SPTLC2: variants seen among roughly 807,000 people sequenced by gnomAD.
SPTLC2 encodes the protein serine palmitoyltransferase 2.
SPTLC2 carries 21 observed loss-of-function variants against 62.0 expected under a neutral mutation model. That is an observed-to-expected ratio of 0.34 (90% confidence interval 0.24 to 0.49). The LOEUF is 0.49. SPTLC2 is among the 20% of genes least tolerant of loss of function. SPTLC2 has a pLI of 0.99. For missense variants in SPTLC2, 511 were observed against 713.0 expected, an observed-to-expected ratio of 0.72 and a Z score of 3.23; for synonymous variants, 261 against 261.8, an observed-to-expected ratio of 1.00 and a Z score of 0.03.
At chr14:77,543,133 T>G (rs1269691044) in intron 9 of SPTLC2, among the ~76,000 whole-genome samples, 2 of 152,170 alleles carry the variant, frequency 1.3e-5, no homozygotes, top group East Asian at 3.9e-4. Flanking sequence ...CACTGCAACC[T>G]CCACCTCCCG....
chr14:77,511,558 G>T lies in SPTLC2; in HGVS notation c.*726C>A, dbSNP rs1274872239. ...TAAAAAGGGGGTGGGACGTGTTACGGTTAGAGCTTGGGAAGAACCAGAATT... is the reference window on the plus strand; with the variant it reads ...TAAAAAGGGGGTGGGACGTGTTACGTTTAGAGCTTGGGAAGAACCAGAATT... On this transcript the variant is annotated 3_prime_UTR_variant, in exon 12 of 12. Transcript: ENST00000216484. The T allele has an allele frequency of 6.5e-6, 1 of 153,510 alleles. No individual in the cohort carries two copies. Among genetic ancestry groups the T allele is most frequent in the African/African-American group, 2.4e-5 (1 of 41,430 alleles). The allele number at this position is 153,510 out of a possible 1,614,324, so 9.5% of individuals were successfully genotyped here. A position where few individuals can be genotyped will look rare whatever the true frequency, so the allele number is the denominator to read the frequency against.
intron 11 of SPTLC2, among the ~76,000 whole-genome samples, chr14:77,513,496 T>A (rs1281449247): frequency 2.0e-5 from 3 of 152,278 alleles, no homozygotes; most frequent in Admixed American, 2.0e-4. Flanking sequence ...GAGGTATAAG[T>A]GAAAGCTCCA....
intron 2 of SPTLC2, among the ~76,000 whole-genome samples, chr14:77,580,516 T>TA (rs1458746634): frequency 1.4e-5 from 2 of 143,920 alleles, no homozygotes; most frequent in Non-Finnish European, 3.0e-5. Flanking sequence ...CCACCCACCT[T>TA]AGGTTCTTTT....
At chr14:77,556,837 AT>A (rs2079586807) in intron 7 of SPTLC2, among the ~76,000 whole-genome samples, 1 of 152,250 alleles carries the variant, frequency 6.6e-6, no homozygotes, top group Admixed American at 6.5e-5. Flanking sequence ...TTTGGTGACC[AT>A]GTAGTATTAT....
intron 2 of SPTLC2, among the ~76,000 whole-genome samples, chr14:77,593,058 AC>A (rs2079827073): frequency 6.6e-6 from 1 of 151,828 alleles, no homozygotes; most frequent in South Asian, 2.1e-4. Context: ...AGCCGAGATC[AC>A]GCCACTGTAC....
chr14:77,574,148 A>G (rs1214792013), intron 4 of SPTLC2, among the ~76,000 whole-genome samples: 2 of 152,178 alleles, frequency 1.3e-5, no homozygotes, highest in Non-Finnish European at 2.9e-5. Flanking sequence ...CTCTGTTCTG[A>G]TATTTTGTTA....
chr14:77,585,292 A>G lies in SPTLC2; in HGVS notation c.328-6183T>C, dbSNP rs146908513. ...TAATAACTTATTAGATGTATTTTAC[A>G]GAGTCACTGAATAAAATTTAAATTC... On this transcript the variant is annotated intron_variant, in intron 2 of 11. Transcript: ENST00000216484. Among the ~76,000 whole-genome samples, 415 of 152,348 alleles carry G rather than the reference A, an allele frequency of 2.7e-3. 3 individuals carry two copies. The highest frequency in any genetic ancestry group is 9.4e-3 in the African/African-American group (391 of 41,582).
At chr14:77,590,287 G>A (rs975208363) in intron 2 of SPTLC2, among the ~76,000 whole-genome samples, 33 of 152,204 alleles carry the variant, frequency 2.2e-4, no homozygotes, top group African/African-American at 7.2e-4. Flanking sequence ...CTCTGGCCTT[G>A]TATCTTAAAC....
At chr14:77,581,684 T>C (rs533335418) in intron 2 of SPTLC2, among the ~76,000 whole-genome samples, 80 of 152,260 alleles carry the variant, frequency 5.3e-4, no homozygotes, top group African/African-American at 1.8e-3. Context: ...AGTGCTGGGA[T>C]TAAAGGTGTG....
chr14:77,523,691 G>A (rs2139996265), intron 9 of SPTLC2, among the ~76,000 whole-genome samples: 1 of 152,188 alleles, frequency 6.6e-6, no homozygotes, highest in East Asian at 1.9e-4. Flanking sequence ...TATAATATGT[G>A]GGTTATCTAA....
At chr14:77,516,921 C>T (rs2079362096) in intron 11 of SPTLC2, among the ~76,000 whole-genome samples, 1 of 152,218 alleles carries the variant, frequency 6.6e-6, no homozygotes, top group Non-Finnish European at 1.5e-5. Context: ...TTATAATTAA[C>T]TTTTATAAAG....
At chr14:77,524,851 T>C (rs997800507) in intron 9 of SPTLC2, among the ~76,000 whole-genome samples, 6 of 152,012 alleles carry the variant, frequency 3.9e-5, no homozygotes, top group African/African-American at 1.5e-4. Flanking sequence ...AGGCTGGGAA[T>C]GGTAGGGAAA....
chr14:77,557,987 A>G (rs2079594064), intron 6 of SPTLC2, among the ~76,000 whole-genome samples: 1 of 152,150 alleles, frequency 6.6e-6, no homozygotes, highest in South Asian at 2.1e-4. Flanking sequence ...AAACTCCCCC[A>G]AATTTAAGCA....
At position 77,605,935 on chromosome 14, in the gene SPTLC2, G is replaced by C. The variant is rs145124813; in HGVS notation, c.133-8555C>G. On this transcript the variant is annotated intron_variant, in intron 1 of 11. Transcript: ENST00000216484. ...TCAGCCCAGTCCAACTCAGTTGTTT[G>C]GATAGAGGTGTTTTATACCTCATTG... is the stretch of plus-strand genomic sequence containing the variant. 1.4e-4 allele frequency among the ~76,000 whole-genome samples: 21 copies of C among 152,330 alleles called. No individual in the cohort carries two copies. The East Asian group carries it at 4.0e-3, about 29-fold the overall frequency.
chr14:77,594,419 T>C (rs1241423344), intron 2 of SPTLC2, among the ~76,000 whole-genome samples: 1 of 152,198 alleles, frequency 6.6e-6, no homozygotes, highest in Non-Finnish European at 1.5e-5. Flanking sequence ...CATTCATTCA[T>C]CACACTTTGA....
At chr14:77,568,180 G>A (rs1467078615) in intron 5 of SPTLC2, among the ~76,000 whole-genome samples, 1 of 151,974 alleles carries the variant, frequency 6.6e-6, no homozygotes, top group African/African-American at 2.4e-5. Context: ...TTCAAAATAT[G>A]TTTATTTTCC....
At chr14:77,522,525 T>C (rs1566767912) in intron 9 of SPTLC2, among the ~76,000 whole-genome samples, 3 of 152,236 alleles carry the variant, frequency 2.0e-5, no homozygotes, top group Non-Finnish European at 2.9e-5. Flanking sequence ...AATCGTATCT[T>C]TAATCCTATT....
At chr14:77,536,059 G>C in intron 9 of SPTLC2, 1 of 416,926 alleles carries the variant, frequency 2.4e-6, no homozygotes, top group Non-Finnish European at 4.7e-6. Context: ...CCAGCAAAAA[G>C]GCTAAAAACT....
intron 2 of SPTLC2, among the ~76,000 whole-genome samples, chr14:77,580,477 C>CAAAA (rs370432060): frequency 9.1e-6 from 1 of 109,866 alleles, no homozygotes; most frequent in Non-Finnish European, 1.8e-5. Flanking sequence ...GACTCCATAT[C>CAAAA]AAAAAAAAAA....
Sources: gnomAD v4.1 joint callset for allele counts (sites outside exome capture counted in the v4.1 genomes callset) on GRCh38, gnomAD v4.1.1 for gene constraint, MANE v1.5 for transcripts, NCBI Gene and HGNC (gene_info 2026-07-23, HGNC 2026-07-21) for gene names.